The following LIN52 variants were observed in gnomAD, a reference collection of about 807,000 sequenced individuals.
The protein encoded by LIN52 is protein lin-52 homolog.
Under a neutral mutation model 18.5 loss-of-function variants are expected in LIN52, and 4 were observed. That is an observed-to-expected ratio of 0.22 (90% confidence interval 0.11 to 0.49). LIN52 has a LOEUF of 0.49. Among genes scored for constraint, LIN52 ranks in the 20% least tolerant of loss-of-function variants. LIN52 has a pLI of 0.97. For missense variants in LIN52, 102 were observed against 139.5 expected (o/e 0.73, Z 1.35); for synonymous variants, 34 against 45.5 (o/e 0.75, Z 1.02).
At position 74,160,476 on chromosome 14, in the gene LIN52, C is replaced by G. The variant is rs547864864; in HGVS notation, c.284-38446C>G. ...AGATTTAAAAACCTTTAATTTTTCACTATTTTATGTAGTTCCATATGCATA... is the reference window on the plus strand; with the variant it reads ...AGATTTAAAAACCTTTAATTTTTCAGTATTTTATGTAGTTCCATATGCATA... On this transcript the variant is annotated intron_variant, in intron 5 of 5. Coordinates refer to ENST00000555028, the MANE Select transcript of LIN52 (RefSeq NM_001024674.3). 2.6e-5 allele frequency among the ~76,000 whole-genome samples: 4 copies of G among 152,260 alleles called. No individual in the cohort carries two copies. The East Asian group carries it at 7.7e-4, about 29-fold the overall frequency.
intron 5 of LIN52, among the ~76,000 whole-genome samples, chr14:74,130,830 C>T (rs2139938349): frequency 6.6e-6 from 1 of 152,202 alleles, no homozygotes; most frequent in Middle Eastern, 3.4e-3. Flanking sequence ...AAGTGATCCA[C>T]CCGCCTTGGC....
Position 74,088,114 on chromosome 14 carries a change from G to A in LIN52, c.20-3118G>A, listed in dbSNP as rs886682175. Among the ~76,000 whole-genome samples, 4 of 151,542 alleles carry A rather than the reference G, an allele frequency of 2.6e-5. 1 individual carries two copies. The highest frequency in any genetic ancestry group is 2.0e-4 in the Admixed American group (3 of 15,196). On this transcript the variant is annotated intron_variant, in intron 1 of 5. Coordinates refer to ENST00000555028, the MANE Select transcript of LIN52 (RefSeq NM_001024674.3). ...ATTATTATTTATTTTGTTTTGAGAC[G>A]GAGTCTCACTCTGTCACCCAGGCTG...
At chr14:74,143,902 G>A (rs1030937474) in intron 5 of LIN52, among the ~76,000 whole-genome samples, 3 of 151,978 alleles carry the variant, frequency 2.0e-5, no homozygotes, top group Non-Finnish European at 4.4e-5. Context: ...TTTTGTGCCT[G>A]TTGACCAAAC....
chr14:74,152,866 A>C (rs925266248), intron 5 of LIN52, among the ~76,000 whole-genome samples: 1 of 149,888 alleles, frequency 6.7e-6, no homozygotes, highest in African/African-American at 2.5e-5. Context: ...TGGCTGAGGC[A>C]GGAGAATTGC....
intron 4 of LIN52, 147 bp from the exon 5 acceptor site, chr14:74,101,008 A>G (rs2060849952): frequency 4.5e-6 from 3 of 670,426 alleles, no homozygotes; most frequent in Non-Finnish European, 7.7e-6. Context: ...TGTGTTTAAG[A>G]TTGGGGGAGG....
chr14:74,165,202 G>GTA (rs1287901699), intron 5 of LIN52, among the ~76,000 whole-genome samples: 1 of 152,150 alleles, frequency 6.6e-6, no homozygotes, highest in African/African-American at 2.4e-5. Flanking sequence ...AAGTTACCAT[G>GTA]TATAACCCTG....
At chr14:74,112,908 G>A (rs1229650885) in intron 5 of LIN52, among the ~76,000 whole-genome samples, 1 of 152,142 alleles carries the variant, frequency 6.6e-6, no homozygotes, top group Non-Finnish European at 1.5e-5. Flanking sequence ...ATGGATGGGG[G>A]AGAAGAGGCA....
At position 74,099,586 on chromosome 14, in the gene LIN52, T is replaced by TTGTG. The variant is rs148601338; in HGVS notation, c.200-1549_200-1546dup. Among the ~76,000 whole-genome samples the TTGTG allele has an allele frequency of 1.0e-3, 153 of 149,454 alleles. 2 individuals carry two copies. In the Middle Eastern group the frequency reaches 0.014, roughly 14 times the overall value. On this transcript the variant is annotated intron_variant, in intron 4 of 5. Coordinates refer to ENST00000555028, the MANE Select transcript of LIN52 (RefSeq NM_001024674.3). ...GAAAGAACATTTTTAAGTATTGTCT[T>TTGTG]TGTGTGTGTGTGTGTGTGTGTGTAT... is the stretch of plus-strand genomic sequence containing the variant.
intron 2 of LIN52, among the ~76,000 whole-genome samples, chr14:74,093,956 T>C (rs1003602701): frequency 1.3e-5 from 2 of 151,204 alleles, no homozygotes; most frequent in South Asian, 2.1e-4. Flanking sequence ...GCACTCCAGG[T>C]TGAGCAACAA....
chr14:74,160,521 A>G (rs1294727487), intron 5 of LIN52, among the ~76,000 whole-genome samples: 1 of 152,212 alleles, frequency 6.6e-6, no homozygotes, highest in African/African-American at 2.4e-5. Flanking sequence ...CATGATCATT[A>G]GGTGAAAATT....
chr14:74,129,780 C>T (rs1323739558), intron 5 of LIN52, among the ~76,000 whole-genome samples: 4 of 152,126 alleles, frequency 2.6e-5, no homozygotes, highest in Non-Finnish European at 4.4e-5. Flanking sequence ...TCCAGGAATT[C>T]GAGGCTGCAG....
At chr14:74,130,588 A>ATTT (rs34746271) in intron 5 of LIN52, among the ~76,000 whole-genome samples, 1,625 of 72,956 alleles carry the variant, frequency 0.022, 109 homozygotes, top group Non-Finnish European at 0.031. Context: ...TAAATTGGCC[A>ATTT]TTTTTTTTTT....
chr14:74,193,736 C>T (rs1020603040), intron 5 of LIN52, among the ~76,000 whole-genome samples: 5 of 152,172 alleles, frequency 3.3e-5, no homozygotes, highest in African/African-American at 4.8e-5. Context: ...AGAAAAATAA[C>T]TTGGTAATTT....
chr14:74,089,559 G>A (rs2060758320), intron 1 of LIN52, among the ~76,000 whole-genome samples: 1 of 151,778 alleles, frequency 6.6e-6, no homozygotes, highest in Non-Finnish European at 1.5e-5. Context: ...GTAGAGATGG[G>A]TTTTCACTAT....
chr14:74,188,853 T>A (rs2061351284), intron 5 of LIN52, among the ~76,000 whole-genome samples: 1 of 152,174 alleles, frequency 6.6e-6, no homozygotes, highest in Non-Finnish European at 1.5e-5. Flanking sequence ...GGTTCTTATC[T>A]AAATTATAAT....
intron 5 of LIN52, among the ~76,000 whole-genome samples, chr14:74,179,573 T>A (rs1490526925): frequency 1.3e-5 from 2 of 151,328 alleles, no homozygotes; most frequent in African/African-American, 4.9e-5. Context: ...GCAGAATCGC[T>A]TGAACCCGGG....
intron 3 of LIN52, 35 bp downstream of exon 3, chr14:74,096,020 A>G (rs888803045): frequency 6.1e-6 from 9 of 1,472,994 alleles, no homozygotes; most frequent in African/African-American, 1.4e-5. Context: ...AGGTCAATCC[A>G]AAGTTTCGCT....
chr14:74,177,745 C>A (rs2061300217), intron 5 of LIN52, among the ~76,000 whole-genome samples: 1 of 152,124 alleles, frequency 6.6e-6, no homozygotes, highest in Admixed American at 6.6e-5. Context: ...AGCAATTGGT[C>A]ATACCTCTGT....
At chr14:74,098,970 T>G (rs879397648) in intron 4 of LIN52, among the ~76,000 whole-genome samples, 8 of 152,230 alleles carry the variant, frequency 5.3e-5, no homozygotes, top group Admixed American at 5.2e-4. Flanking sequence ...AGACCTATTT[T>G]TTATTTTTTT....
Sources: gnomAD v4.1 joint callset for allele counts (sites outside exome capture counted in the v4.1 genomes callset) on GRCh38, gnomAD v4.1.1 for gene constraint, MANE v1.5 for transcripts, NCBI Gene and HGNC (gene_info 2026-07-23, HGNC 2026-07-21) for gene names.